PLD5: variants seen among roughly 807,000 people sequenced by gnomAD.
PLD5 encodes the protein phospholipase D family member 5, also known as inactive phospholipase D5.
In PLD5, 36 loss-of-function variants were observed where a neutral mutation model predicts 61.1. The observed-to-expected ratio is 0.59, with a 90% CI of 0.45 to 0.78. The LOEUF (loss-of-function observed/expected upper bound fraction) is 0.78, where lower values mean the gene tolerates loss of function less well. Among genes scored for constraint, PLD5 ranks in the 30% least tolerant of loss-of-function variants. The pLI is 0.00. For missense variants in PLD5, 515 were observed against 644.4 expected, an observed-to-expected ratio of 0.80 and a Z score of 2.17; for synonymous variants, 243 against 242.8, an observed-to-expected ratio of 1.00 and a Z score of -0.01.
intron 4 of PLD5, among the ~76,000 whole-genome samples, chr1:242,248,372 ACAGC>A (rs1386679818): frequency 6.6e-6 from 1 of 152,110 alleles, no homozygotes; most frequent in African/African-American, 2.4e-5. Flanking sequence ...TTAAAAACAT[ACAGC>A]CAATCATGTG....
chr1:242,359,176 C>T (rs1357899550), intron 1 of PLD5, among the ~76,000 whole-genome samples: 2 of 152,164 alleles, frequency 1.3e-5, no homozygotes, highest in Admixed American at 6.5e-5. Context: ...TGCTTTGTTT[C>T]GTTGTGACCC....
intron 5 of PLD5, among the ~76,000 whole-genome samples, chr1:242,201,033 A>G (rs1217998347): frequency 6.6e-6 from 1 of 152,244 alleles, no homozygotes; most frequent in Non-Finnish European, 1.5e-5. Context: ...ATTTTCAGGC[A>G]GTTCTTGCAG....
At chr1:242,467,971 A>C (rs941563496) in intron 1 of PLD5, among the ~76,000 whole-genome samples, 5 of 152,100 alleles carry the variant, frequency 3.3e-5, no homozygotes, top group African/African-American at 7.2e-5. Context: ...ATCTCTTGGC[A>C]GAATTAAAAT....
intron 1 of PLD5, among the ~76,000 whole-genome samples, chr1:242,382,571 C>G (rs1483732323): frequency 6.6e-6 from 1 of 152,092 alleles, no homozygotes; most frequent in African/African-American, 2.4e-5. Flanking sequence ...AGAGAAGTGC[C>G]TAACAGGCTT....
At chr1:242,126,366 G>A (rs942211398) in intron 5 of PLD5, among the ~76,000 whole-genome samples, 15 of 152,078 alleles carry the variant, frequency 9.9e-5, no homozygotes, top group African/African-American at 3.4e-4. Context: ...AAGACTAAGC[G>A]AAAAGAACAA....
chr1:242,130,469 A>G (rs189862872), intron 5 of PLD5, among the ~76,000 whole-genome samples: 3 of 152,322 alleles, frequency 2.0e-5, no homozygotes, highest in African/African-American at 7.2e-5. Flanking sequence ...GATACACAGT[A>G]GTGGGATTGC....
chr1:242,227,140 A>G (rs1003795256), intron 4 of PLD5, among the ~76,000 whole-genome samples: 14 of 152,120 alleles, frequency 9.2e-5, no homozygotes, highest in African/African-American at 3.4e-4. Context: ...GTTAGTAACT[A>G]TCTCATCTAT....
intron 1 of PLD5, among the ~76,000 whole-genome samples, chr1:242,482,715 A>G (rs537199527): frequency 1.3e-5 from 2 of 151,878 alleles, no homozygotes; most frequent in Admixed American, 6.5e-5. Context: ...GAATGCCACA[A>G]AGATACTCCT....
chr1:242,174,079 A>G (rs1666953247), intron 5 of PLD5, among the ~76,000 whole-genome samples: 1 of 152,252 alleles, frequency 6.6e-6, no homozygotes, highest in African/African-American at 2.4e-5. Flanking sequence ...GCTTCTGCAC[A>G]GCAAAAGAAA....
chr1:242,457,142 T>C (rs1666968915), intron 1 of PLD5, among the ~76,000 whole-genome samples: 1 of 152,160 alleles, frequency 6.6e-6, no homozygotes, highest in African/African-American at 2.4e-5. Context: ...GAATTCCTAG[T>C]GAACTCGAAA....
At chr1:242,426,965 C>T (rs1053709238) in intron 1 of PLD5, among the ~76,000 whole-genome samples, 3 of 152,132 alleles carry the variant, frequency 2.0e-5, no homozygotes, top group African/African-American at 4.8e-5. Flanking sequence ...CACAGATTGG[C>T]TTGCTGAAGG....
chr1:242,490,457 T>C (rs1487002025), intron 1 of PLD5, among the ~76,000 whole-genome samples: 2 of 152,250 alleles, frequency 1.3e-5, no homozygotes, highest in Non-Finnish European at 2.9e-5. Context: ...CTTTCAAAAC[T>C]ATACCTCGAA....
chr1:242,212,404 C>T (rs1233008020), intron 5 of PLD5, among the ~76,000 whole-genome samples: 1 of 152,232 alleles, frequency 6.6e-6, no homozygotes, highest in Non-Finnish European at 1.5e-5. Context: ...AAGACCAGAG[C>T]TGCGCGACCA....
chr1:242,340,850 G>C (rs969653147), intron 2 of PLD5, among the ~76,000 whole-genome samples: 7 of 152,074 alleles, frequency 4.6e-5, no homozygotes, highest in Non-Finnish European at 8.8e-5. Context: ...AGGAGGGAGG[G>C]AGAAGTACTA....
intron 5 of PLD5, among the ~76,000 whole-genome samples, chr1:242,199,880 T>C (rs1668875921): frequency 6.6e-6 from 1 of 152,166 alleles, no homozygotes; most frequent in South Asian, 2.1e-4. Context: ...TAGTATTTCA[T>C]CACGTATAAA....
chr1:242,195,421 A>T (rs1323427654), intron 5 of PLD5, among the ~76,000 whole-genome samples: 3 of 152,166 alleles, frequency 2.0e-5, no homozygotes, highest in Non-Finnish European at 4.4e-5. Context: ...TTCTACTTTG[A>T]TGCTTATATT....
chr1:242,352,015 G>T (rs956437483), intron 1 of PLD5, among the ~76,000 whole-genome samples: 3 of 152,140 alleles, frequency 2.0e-5, no homozygotes, highest in Admixed American at 6.5e-5. Flanking sequence ...AGAATCATAA[G>T]TTATAAAACT....
At chr1:242,302,254 C>CAGGTTGGAGTGTTGGA (rs1676095945) in intron 2 of PLD5, among the ~76,000 whole-genome samples, 1 of 152,216 alleles carries the variant, frequency 6.6e-6, no homozygotes, top group Non-Finnish European at 1.5e-5. Context: ...ATGCATTTGT[C>CAGGTTGGAGTGTTGGA]AGAACAGATA....
chr1:242,481,133 C>T (rs552066424), intron 1 of PLD5, among the ~76,000 whole-genome samples: 7 of 152,256 alleles, frequency 4.6e-5, no homozygotes, highest in South Asian at 2.1e-4. Flanking sequence ...CCAGCCTGAG[C>T]GATGCAGAAG....
Sources: gnomAD v4.1 joint callset for allele counts (sites outside exome capture counted in the v4.1 genomes callset) on GRCh38, gnomAD v4.1.1 for gene constraint, MANE v1.5 for transcripts, NCBI Gene and HGNC (gene_info 2026-07-23, HGNC 2026-07-21) for gene names.